The following LPP variants were observed in gnomAD, a reference collection of about 807,000 sequenced individuals.
LPP encodes the protein lipoma-preferred partner.
LPP carries 38 observed loss-of-function variants against 60.4 expected under a neutral mutation model. The observed-to-expected ratio is 0.63, with a 90% CI of 0.49 to 0.83. LPP has a LOEUF of 0.83. Ranked by LOEUF, LPP falls within the 40% of genes least tolerant of loss-of-function variation. The probability of loss-of-function intolerance (pLI) is 0.00; values close to 1 mark genes in which losing one functional copy is unlikely to be tolerated. For missense variants in LPP, 902 were observed against 783.6 expected, an observed-to-expected ratio of 1.15 and a Z score of -1.80; for synonymous variants, 328 against 290.8, an observed-to-expected ratio of 1.13 and a Z score of -1.30.
chr3:188,747,947 A>G (rs1038292529), intron 8 of LPP, among the ~76,000 whole-genome samples: 1 of 152,004 alleles, frequency 6.6e-6, no homozygotes, highest in Non-Finnish European at 1.5e-5. Flanking sequence ...CCATCTGCCC[A>G]CTCCACTGAG....
At chr3:188,255,977 TA>T (rs1441028142) in intron 2 of LPP, among the ~76,000 whole-genome samples, 2 of 152,344 alleles carry the variant, frequency 1.3e-5, no homozygotes, top group East Asian at 3.9e-4. Context: ...TGAATACGTA[TA>T]TTTTTCAAAT....
At chr3:188,768,213 T>C (rs1305414848) in intron 9 of LPP, among the ~76,000 whole-genome samples, 10 of 152,156 alleles carry the variant, frequency 6.6e-5, no homozygotes, top group Non-Finnish European at 4.4e-5. Flanking sequence ...ATCAAAGTTT[T>C]CAGATCTCCA....
chr3:188,561,980 G>A (rs956222914), intron 6 of LPP, among the ~76,000 whole-genome samples: 13 of 151,970 alleles, frequency 8.6e-5, no homozygotes, highest in African/African-American at 3.1e-4. Context: ...TTGGCGTTAA[G>A]GTTGAGAAGA....
intron 7 of LPP, among the ~76,000 whole-genome samples, chr3:188,674,680 C>T (rs1057505191): frequency 1.3e-5 from 2 of 152,116 alleles, no homozygotes; most frequent in South Asian, 2.1e-4. Flanking sequence ...TCATAATAAC[C>T]CTGCTAGATA....
intron 1 of LPP, among the ~76,000 whole-genome samples, chr3:188,192,096 G>A (rs1728339989): frequency 1.3e-5 from 2 of 152,188 alleles, no homozygotes. Context: ...CTATATCTCT[G>A]TGTACTGATG....
intron 9 of LPP, among the ~76,000 whole-genome samples, chr3:188,793,572 C>T (rs1744482029): frequency 6.6e-6 from 1 of 152,112 alleles, no homozygotes; most frequent in Admixed American, 6.5e-5. Flanking sequence ...AGTAAGCGGC[C>T]AGCCTGCCCT....
chr3:188,675,835 A>G (rs1019041457), intron 7 of LPP, among the ~76,000 whole-genome samples: 1 of 152,214 alleles, frequency 6.6e-6, no homozygotes, highest in Non-Finnish European at 1.5e-5. Flanking sequence ...GAAATGTTGA[A>G]GCCTGACTTT....
chr3:188,856,853 C>T (rs1032845969), intron 9 of LPP, among the ~76,000 whole-genome samples: 3 of 152,126 alleles, frequency 2.0e-5, no homozygotes, highest in African/African-American at 7.2e-5. Flanking sequence ...AGCTCTTAGC[C>T]AGAAGGCCCC....
At chr3:188,447,647 G>A (rs191037189) in intron 4 of LPP, among the ~76,000 whole-genome samples, 20 of 149,618 alleles carry the variant, frequency 1.3e-4, no homozygotes, top group African/African-American at 4.9e-4. Context: ...CTGTCATGGT[G>A]GCATGTAATC....
intron 7 of LPP, among the ~76,000 whole-genome samples, chr3:188,634,611 G>A (rs771002101): frequency 7.2e-5 from 11 of 152,270 alleles, no homozygotes; most frequent in Admixed American, 3.9e-4. Flanking sequence ...AGATTGCAGC[G>A]GTATTGGATT....
intron 4 of LPP, among the ~76,000 whole-genome samples, chr3:188,420,946 C>G (rs528759401): frequency 6.6e-6 from 1 of 152,012 alleles, no homozygotes; most frequent in Non-Finnish European, 1.5e-5. Flanking sequence ...CACATGTTGC[C>G]TGAGCTGTGC....
At chr3:188,608,674 G>A (rs1198257649) in intron 6 of LPP, among the ~76,000 whole-genome samples, 1 of 152,136 alleles carries the variant, frequency 6.6e-6, no homozygotes, top group African/African-American at 2.4e-5. Flanking sequence ...TTCCATGTGA[G>A]TTTTAGAATT....
intron 1 of LPP, among the ~76,000 whole-genome samples, chr3:188,191,341 G>T (rs1195759078): frequency 6.6e-6 from 1 of 152,198 alleles, no homozygotes; most frequent in African/African-American, 2.4e-5. Context: ...TATTTGCTAC[G>T]CTTTGTGTGC....
chr3:188,400,443 G>A lies in LPP; in HGVS notation c.-9-5669G>A, dbSNP rs142722961. On this transcript the variant is annotated intron_variant, in intron 3 of 11. Transcript: ENST00000617246. ...ATATGGCAGTCAGGATGACTGTGTG[G>A]CCATTGAAAATTTGCTAGACATATA... Among the ~76,000 whole-genome samples the A allele has an allele frequency of 5.9e-3, 898 of 152,208 alleles. 9 individuals carry two copies. The highest frequency in any genetic ancestry group is 0.027 in the Middle Eastern group (8 of 294).
intron 3 of LPP, among the ~76,000 whole-genome samples, chr3:188,373,745 C>G (rs183297445): frequency 0.016 from 2,434 of 151,938 alleles, 61 homozygotes; most frequent in African/African-American, 0.055. Flanking sequence ...GCTTTTGTTG[C>G]CATTGCTTTT....
chr3:188,283,105 C>G (rs1483320206), intron 2 of LPP, among the ~76,000 whole-genome samples: 1 of 152,108 alleles, frequency 6.6e-6, no homozygotes, highest in Non-Finnish European at 1.5e-5. Context: ...CCTTCTTAAT[C>G]CTGTCTCTCT....
chr3:188,512,489 T>G (rs1223291158), intron 5 of LPP, among the ~76,000 whole-genome samples: 1 of 151,304 alleles, frequency 6.6e-6, no homozygotes, highest in Non-Finnish European at 1.5e-5. Context: ...GAGACGGAGG[T>G]TTCAATGAGC....
intron 11 of LPP, 67 bp from the exon 12 acceptor site, chr3:188,874,284 T>C (rs1392157736): frequency 1.3e-6 from 2 of 1,499,412 alleles, no homozygotes; most frequent in African/African-American, 2.8e-5. Flanking sequence ...AGCTCAATCA[T>C]GATGTTCTCC....
intron 7 of LPP, among the ~76,000 whole-genome samples, chr3:188,636,552 C>T (rs1205744468): frequency 6.6e-6 from 1 of 152,178 alleles, no homozygotes; most frequent in Non-Finnish European, 1.5e-5. Context: ...GGGGAGCCCA[C>T]CACAGCTCAA....
Sources: allele counts gnomAD v4.1 joint callset (sites outside exome capture counted in the v4.1 genomes callset), GRCh38; gene constraint gnomAD v4.1.1; transcripts MANE v1.5; gene names NCBI Gene and HGNC (gene_info 2026-07-23, HGNC 2026-07-21).